The following LRRTM4 variants were observed in gnomAD, a reference collection of about 807,000 sequenced individuals.
LRRTM4 encodes leucine-rich repeat transmembrane neuronal protein 4.
LRRTM4 carries 25 observed loss-of-function variants against 47.6 expected under a neutral mutation model. That is an observed-to-expected ratio of 0.53 (90% CI 0.38 to 0.73). The LOEUF is 0.73. Ranked by LOEUF, LRRTM4 falls within the 30% of genes least tolerant of loss-of-function variation. The pLI is 0.00. For synonymous variants in LRRTM4, 311 were observed against 269.5 expected, an observed-to-expected ratio of 1.15 and a Z score of -1.51; for missense variants, 638 against 713.4, an observed-to-expected ratio of 0.89 and a Z score of 1.20.
intron 3 of LRRTM4, among the ~76,000 whole-genome samples, chr2:76,790,879 G>C (rs2103712175): frequency 6.6e-6 from 1 of 152,246 alleles, no homozygotes. Flanking sequence ...GATGCTGTCT[G>C]ACTGAATCCC....
chr2:77,508,823 C>G (rs1678871340), intron 3 of LRRTM4, among the ~76,000 whole-genome samples: 1 of 152,084 alleles, frequency 6.6e-6, no homozygotes, highest in Admixed American at 6.6e-5. Flanking sequence ...AGAGCAATAT[C>G]AATTCTTCTT....
chr2:77,175,926 T>G (rs1052292249), intron 3 of LRRTM4, among the ~76,000 whole-genome samples: 1 of 151,636 alleles, frequency 6.6e-6, no homozygotes, highest in Admixed American at 6.6e-5. Context: ...CTCAAAGTGC[T>G]GGGATTACAG....
At chr2:77,092,107 T>A (rs1487639964) in intron 3 of LRRTM4, among the ~76,000 whole-genome samples, 1 of 152,150 alleles carries the variant, frequency 6.6e-6, no homozygotes. Flanking sequence ...TTCTCATAAC[T>A]TCCAAAATCT....
At chr2:77,313,358 G>A (rs61164764) in intron 3 of LRRTM4, among the ~76,000 whole-genome samples, 99 of 86,070 alleles carry the variant, frequency 1.2e-3, no homozygotes, top group African/African-American at 6.4e-3. Context: ...GCTGGGATGT[G>A]CCTCCCTACC....
At chr2:76,985,696 G>C (rs1676770046) in intron 3 of LRRTM4, among the ~76,000 whole-genome samples, 1 of 151,982 alleles carries the variant, frequency 6.6e-6, no homozygotes, top group Non-Finnish European at 1.5e-5. Context: ...CAATCAAAAA[G>C]GAGATAAAAT....
At chr2:77,354,563 A>T (rs1558703440) in intron 3 of LRRTM4, among the ~76,000 whole-genome samples, 1 of 152,082 alleles carries the variant, frequency 6.6e-6, no homozygotes, top group Non-Finnish European at 1.5e-5. Flanking sequence ...CAAGTATTTT[A>T]TTAGGGTACT....
Position 77,419,726 on chromosome 2 carries a change from C to T in LRRTM4, c.1551+98592G>A, listed in dbSNP as rs554363944. On this transcript the variant is annotated intron_variant, in intron 3 of 3. Transcript: ENST00000409884. ...TATGAATTTCCACTTTGCACAGTACCTAGTATGGACATTTCATAATAAACT... is the reference window on the plus strand; with the variant it reads ...TATGAATTTCCACTTTGCACAGTACTTAGTATGGACATTTCATAATAAACT... 7.8e-4 allele frequency among the ~76,000 whole-genome samples: 119 copies of T among 151,836 alleles called. 1 individual carries two copies. The highest frequency in any genetic ancestry group is 2.9e-3 in the African/African-American group (118 of 41,382).
chr2:77,210,909 G>A (rs1400104917), intron 3 of LRRTM4, among the ~76,000 whole-genome samples: 1 of 152,158 alleles, frequency 6.6e-6, no homozygotes, highest in Non-Finnish European at 1.5e-5. Flanking sequence ...GTGAGTACAG[G>A]AAGCTCTGCT....
chr2:77,121,311 C>A (rs888426239), intron 3 of LRRTM4, among the ~76,000 whole-genome samples: 5 of 151,566 alleles, frequency 3.3e-5, no homozygotes, highest in African/African-American at 7.3e-5. Context: ...GACATCAGTA[C>A]GAACATGTTT....
chr2:77,308,577 C>T (rs549742584), intron 3 of LRRTM4, among the ~76,000 whole-genome samples: 39 of 151,722 alleles, frequency 2.6e-4, no homozygotes, highest in Admixed American at 2.1e-3. Flanking sequence ...TGTATTCTTC[C>T]GTTATCTTGA....
chr2:77,446,292 C>T (rs1269565191), intron 3 of LRRTM4, among the ~76,000 whole-genome samples: 1 of 151,960 alleles, frequency 6.6e-6, no homozygotes, highest in African/African-American at 2.4e-5. Context: ...TGTACAGCAG[C>T]ATCTCTAGTC....
At chr2:76,914,491 T>G (rs1195849795) in intron 3 of LRRTM4, among the ~76,000 whole-genome samples, 1 of 152,076 alleles carries the variant, frequency 6.6e-6, no homozygotes, top group Non-Finnish European at 1.5e-5. Flanking sequence ...GAGTGCATAT[T>G]TTGTTTATGT....
chr2:77,054,978 G>A (rs960304111), intron 3 of LRRTM4, among the ~76,000 whole-genome samples: 5 of 152,132 alleles, frequency 3.3e-5, no homozygotes, highest in African/African-American at 1.2e-4. Context: ...TTCTCTCAGG[G>A]CAGAGATTCA....
intron 3 of LRRTM4, among the ~76,000 whole-genome samples, chr2:76,902,981 T>G (rs181447044): frequency 6.6e-6 from 1 of 152,350 alleles, no homozygotes; most frequent in East Asian, 1.9e-4. Context: ...GGGTCAAGGT[T>G]AATGTAATTT....
At chr2:77,485,897 A>ATT (rs70956636) in intron 3 of LRRTM4, among the ~76,000 whole-genome samples, 41,299 of 148,036 alleles carry the variant, frequency 0.28, 5,816 homozygotes, top group African/African-American at 0.32. Flanking sequence ...CAGTCGGCTA[A>ATT]TTTTTTTTTT....
intron 3 of LRRTM4, among the ~76,000 whole-genome samples, chr2:76,789,397 C>A (rs1674849509): frequency 6.6e-6 from 1 of 152,196 alleles, no homozygotes; most frequent in African/African-American, 2.4e-5. Flanking sequence ...AGTGACCTCT[C>A]TCTTTTCCCA....
intron 3 of LRRTM4, among the ~76,000 whole-genome samples, chr2:77,500,957 A>G (rs1489576311): frequency 6.6e-6 from 1 of 151,474 alleles, no homozygotes; most frequent in Non-Finnish European, 1.5e-5. Context: ...CTAGTATAAT[A>G]TTTTTTGAGA....
chr2:76,770,416 G>A (rs1244569420), intron 3 of LRRTM4, among the ~76,000 whole-genome samples: 13 of 152,308 alleles, frequency 8.5e-5, no homozygotes, highest in Non-Finnish European at 1.9e-4. Flanking sequence ...AGGGACCACA[G>A]AGGAACTGCT....
chr2:77,063,417 G>T (rs2103806481), intron 3 of LRRTM4, among the ~76,000 whole-genome samples: 1 of 152,134 alleles, frequency 6.6e-6, no homozygotes. Context: ...TGCTAACCAT[G>T]CGGCCATTAT....
Sources: allele counts gnomAD v4.1 joint callset (sites outside exome capture counted in the v4.1 genomes callset), GRCh38; gene constraint gnomAD v4.1.1; transcripts MANE v1.5; gene names NCBI Gene and HGNC (gene_info 2026-07-23, HGNC 2026-07-21).